The following GALNT18 variants were observed in gnomAD, a reference collection of about 807,000 sequenced individuals.
The protein encoded by GALNT18 is GalNAc-transferase 18.
GALNT18 carries 44 observed loss-of-function variants against 69.5 expected under a neutral mutation model. The observed-to-expected ratio is 0.63, with a 90% CI of 0.50 to 0.81. GALNT18 has a LOEUF of 0.81. Among genes scored for constraint, GALNT18 ranks in the 40% least tolerant of loss-of-function variants. The pLI is 0.00. For missense variants in GALNT18, 715 were observed against 810.0 expected (o/e 0.88, Z 1.42); for synonymous variants, 364 against 318.2 (o/e 1.14, Z -1.53).
At chr11:11,569,294 C>T (rs1858728483) in intron 1 of GALNT18, among the ~76,000 whole-genome samples, 1 of 150,304 alleles carries the variant, frequency 6.7e-6, no homozygotes, top group East Asian at 2.0e-4. Flanking sequence ...AGGAAGTGAG[C>T]TCAATGTTTT....
chr11:11,492,774 A>C (rs909319746), intron 1 of GALNT18, among the ~76,000 whole-genome samples: 3 of 152,070 alleles, frequency 2.0e-5, no homozygotes, highest in Non-Finnish European at 2.9e-5. Flanking sequence ...GAGGGAGAGT[A>C]TTAGGACAAA....
intron 3 of GALNT18, among the ~76,000 whole-genome samples, chr11:11,427,742 C>T (rs898530768): frequency 1.3e-5 from 2 of 152,220 alleles, no homozygotes; most frequent in Non-Finnish European, 2.9e-5. Context: ...ACAGTGGCTA[C>T]TTGTCAGCTG....
At position 11,339,823 on chromosome 11, in the gene GALNT18, C is replaced by T. The variant is rs1413626324; in HGVS notation, c.1278+996G>A. On this transcript the variant is annotated intron_variant, in intron 7 of 10. Transcript: ENST00000227756. The surrounding 1 kb of genome is among the most constrained non-coding windows in gnomAD (Gnocchi z 5.2). The stretch of plus-strand genomic sequence containing the variant: ...TGGGCTAAAAGCTCCCACCCATGAA[C>T]CAGTCAACTTCCTCAATCATTTAAC... Among the ~76,000 whole-genome samples, 3 of 152,164 alleles carry T rather than the reference C, an allele frequency of 2.0e-5. No individual in the cohort carries two copies. The highest frequency in any genetic ancestry group is 7.2e-5 in the African/African-American group (3 of 41,436).
In GALNT18 at chr11:11,450,731, G is replaced by A. The variant is rs141859626; in HGVS notation, c.236-1795C>T. Among the ~76,000 whole-genome samples, 127 of 152,280 alleles carry A rather than the reference G, an allele frequency of 8.3e-4. No homozygotes were observed. The East Asian group carries it at 0.01, about 12-fold the overall frequency. On this transcript the variant is annotated intron_variant, in intron 1 of 10. Transcript: ENST00000227756. ...CTTGATGAGTGCTCACTCCTACCAC[G>A]AGCCAGGCTCTGTCCTAAGCATTTT...
chr11:11,455,489 C>T (rs917019222), intron 1 of GALNT18, among the ~76,000 whole-genome samples: 2 of 152,122 alleles, frequency 1.3e-5, no homozygotes, highest in Non-Finnish European at 2.9e-5. Flanking sequence ...TCCTCAAGCT[C>T]ACTCCAGGGA....
In GALNT18 at chr11:11,592,300, G is replaced by A. The variant is rs983682567; in HGVS notation, c.235+29059C>T. 6.6e-6 allele frequency among the ~76,000 whole-genome samples: 1 copy of A among 151,708 alleles called. No individual in the cohort carries two copies. Among genetic ancestry groups the A allele is most frequent in the South Asian group, 2.1e-4 (1 of 4,816 alleles). On this transcript the variant is annotated intron_variant, in intron 1 of 10. Coordinates refer to ENST00000227756, the MANE Select transcript of GALNT18 (RefSeq NM_198516.3). The surrounding 1 kb of genome is among the most constrained non-coding windows in gnomAD (Gnocchi z 5.9). ...GCTAAGAAATTATATGCACGGTTAC[G>A]AAAAAAAATCAAAGATGTTTCCCAC...
At chr11:11,325,428 C>T (rs925176672) in intron 9 of GALNT18, among the ~76,000 whole-genome samples, 21 of 152,024 alleles carry the variant, frequency 1.4e-4, no homozygotes, top group South Asian at 4.2e-4. Context: ...GCTTGGGTGA[C>T]GGGTGTACTA....
intron 1 of GALNT18, among the ~76,000 whole-genome samples, chr11:11,545,083 T>C (rs1858017500): frequency 6.6e-6 from 1 of 152,140 alleles, no homozygotes; most frequent in Admixed American, 6.5e-5. Flanking sequence ...CCACATGAGG[T>C]AGAAAGCATG....
At position 11,571,652 on chromosome 11, in the gene GALNT18, C is replaced by T. The variant is rs1209692063; in HGVS notation, c.235+49707G>A. 2.0e-5 allele frequency among the ~76,000 whole-genome samples: 3 copies of T among 152,242 alleles called. No homozygotes were observed. In the East Asian group the frequency reaches 5.8e-4, roughly 29 times the overall value. On this transcript the variant is annotated intron_variant, in intron 1 of 10. Coordinates refer to ENST00000227756, the MANE Select transcript of GALNT18 (RefSeq NM_198516.3). ...GCCACCTCTTGTCAATTAGCCATGT[C>T]CAGGCTAATTGACAAGAATATTTTG... is the stretch of plus-strand genomic sequence containing the variant.
chr11:11,282,095 T>C (rs1191403399), intron 10 of GALNT18, among the ~76,000 whole-genome samples: 1 of 152,160 alleles, frequency 6.6e-6, no homozygotes, highest in Non-Finnish European at 1.5e-5. Flanking sequence ...GCTTAAACTT[T>C]TAAAACAGAG....
chr11:11,345,604 T>C (rs1435208053), intron 6 of GALNT18, among the ~76,000 whole-genome samples: 1 of 152,024 alleles, frequency 6.6e-6, no homozygotes, highest in African/African-American at 2.4e-5. Flanking sequence ...AATGGCACGA[T>C]AGAGCAAGCC....
intron 1 of GALNT18, among the ~76,000 whole-genome samples, chr11:11,467,078 A>G (rs1856169326): frequency 6.6e-6 from 1 of 152,218 alleles, no homozygotes; most frequent in Non-Finnish European, 1.5e-5. Flanking sequence ...TGCGGAGGAG[A>G]ACATCTTCCG....
chr11:11,474,268 T>C (rs7395531), intron 1 of GALNT18, among the ~76,000 whole-genome samples: 124,189 of 152,106 alleles, frequency 0.82, 51,539 homozygotes, highest in East Asian at 0.97. Flanking sequence ...GAGCCAGCCA[T>C]AGAACTAAGG....
chr11:11,371,097 T>G (rs1215229622), intron 6 of GALNT18, among the ~76,000 whole-genome samples: 2 of 152,194 alleles, frequency 1.3e-5, no homozygotes, highest in African/African-American at 4.8e-5. Context: ...TCTCAGGGTT[T>G]CAATGAATAC....
chr11:11,395,287 G>A (rs1480950709), intron 3 of GALNT18, among the ~76,000 whole-genome samples: 3 of 152,228 alleles, frequency 2.0e-5, no homozygotes, highest in African/African-American at 7.2e-5. Flanking sequence ...TGAAGTGATC[G>A]TGTCCAACCA....
intron 6 of GALNT18, among the ~76,000 whole-genome samples, chr11:11,349,457 A>G (rs1490032576): frequency 6.6e-6 from 1 of 152,178 alleles, no homozygotes; most frequent in Non-Finnish European, 1.5e-5. Context: ...AACATTTGAC[A>G]TTGTCCAACT....
intron 1 of GALNT18, among the ~76,000 whole-genome samples, chr11:11,553,682 C>CA (rs1858255835): frequency 6.6e-6 from 1 of 151,910 alleles, no homozygotes; most frequent in Non-Finnish European, 1.5e-5. Context: ...CACCAAGCTC[C>CA]CCCCCAGCAC....
At chr11:11,280,992 G>A (rs1385350991) in intron 10 of GALNT18, among the ~76,000 whole-genome samples, 3 of 152,190 alleles carry the variant, frequency 2.0e-5, no homozygotes, top group Admixed American at 1.3e-4. Context: ...CTGTGGCCTG[G>A]GCATATCTGC....
chr11:11,578,430 C>T (rs1590114177), intron 1 of GALNT18, among the ~76,000 whole-genome samples: 1 of 151,648 alleles, frequency 6.6e-6, no homozygotes, highest in East Asian at 1.9e-4. Context: ...AACACTGGCC[C>T]AATGTTCAGC....
Sources: gnomAD v4.1 joint callset for allele counts (sites outside exome capture counted in the v4.1 genomes callset) on GRCh38, gnomAD v4.1.1 for gene constraint, Gnocchi (gnomAD v3.1) non-coding constraint, MANE v1.5 for transcripts, NCBI Gene and HGNC (gene_info 2026-07-23, HGNC 2026-07-21) for gene names.